SGCD: variants seen among roughly 807,000 people sequenced by gnomAD.
The protein encoded by SGCD is delta-sarcoglycan.
In SGCD, 18 loss-of-function variants were observed where a neutral mutation model predicts 36.6. The ratio of observed to expected loss-of-function variants is 0.49; its 90% confidence interval spans 0.34 to 0.73. The LOEUF is 0.73. SGCD is among the 30% of genes least tolerant of loss of function. The pLI is 0.01. For missense variants in SGCD, 387 were observed against 346.7 expected (o/e 1.12, Z -0.92); for synonymous variants, 133 against 130.6 (o/e 1.02, Z -0.12).
At chr5:156,086,843 G>A (rs1761108426) in intron 1 of SGCD, among the ~76,000 whole-genome samples, 1 of 152,160 alleles carries the variant, frequency 6.6e-6, no homozygotes, top group Non-Finnish European at 1.5e-5. Context: ...TAGGGTATTT[G>A]GTTACAACTC....
At chr5:156,724,386 C>A (rs894807321) in intron 7 of SGCD, among the ~76,000 whole-genome samples, 1 of 152,110 alleles carries the variant, frequency 6.6e-6, no homozygotes, top group Admixed American at 6.5e-5. Context: ...AGGCAGATCA[C>A]GAGGTCAGGA....
intron 3 of SGCD, among the ~76,000 whole-genome samples, chr5:156,320,475 C>T (rs1216583581): frequency 2.0e-5 from 3 of 152,154 alleles, no homozygotes; most frequent in Non-Finnish European, 2.9e-5. Context: ...CCAGAAAGAA[C>T]GTTAAAAGAA....
intron 7 of SGCD, among the ~76,000 whole-genome samples, chr5:156,711,455 C>T (rs1255536807): frequency 1.3e-5 from 2 of 152,166 alleles, no homozygotes; most frequent in Non-Finnish European, 2.9e-5. Context: ...TAAAAACTAA[C>T]TTTTTGATGC....
At chr5:155,866,171 T>C (rs1181842674), upstream of SGCD, among the ~76,000 whole-genome samples, 3 of 152,156 alleles carry the variant, frequency 2.0e-5, no homozygotes, top group Non-Finnish European at 2.9e-5. Flanking sequence ...TTAATATGAT[T>C]AATCATTTTT....
chr5:156,677,451 ACAC>A (rs1376992410), intron 7 of SGCD, among the ~76,000 whole-genome samples: 1 of 152,056 alleles, frequency 6.6e-6, no homozygotes, highest in Non-Finnish European at 1.5e-5. Context: ...AGAAAACCAA[ACAC>A]CACATGTTCT....
intron 1 of SGCD, among the ~76,000 whole-genome samples, chr5:155,932,634 G>A (rs1325663043): frequency 2.0e-5 from 3 of 152,084 alleles, no homozygotes; most frequent in African/African-American, 4.8e-5. Context: ...ACTGAAACTG[G>A]ACCCTTCATT....
chr5:155,921,675 C>G (rs896380412), intron 1 of SGCD, among the ~76,000 whole-genome samples: 1 of 152,104 alleles, frequency 6.6e-6, no homozygotes, highest in African/African-American at 2.4e-5. Context: ...AGAAAGAAAC[C>G]TGAACTCAGG....
intron 3 of SGCD, among the ~76,000 whole-genome samples, chr5:156,296,932 G>A (rs1196186147): frequency 6.6e-6 from 1 of 151,466 alleles, no homozygotes; most frequent in African/African-American, 2.4e-5. Flanking sequence ...ACATTTATAT[G>A]CACATATATA....
intron 6 of SGCD, among the ~76,000 whole-genome samples, chr5:156,626,395 C>G (rs1346012337): frequency 6.6e-6 from 1 of 152,166 alleles, no homozygotes. Context: ...TAAGTATGGC[C>G]CAGCTATCTC....
chr5:156,129,662 A>C (rs1821246), intron 3 of SGCD, among the ~76,000 whole-genome samples: 2,302 of 152,096 alleles, frequency 0.015, 55 homozygotes, highest in African/African-American at 0.051. Context: ...TCAAGTACAC[A>C]CCAGTGTCTG....
At chr5:156,103,969 A>G (rs78671128) in intron 1 of SGCD, among the ~76,000 whole-genome samples, 2,382 of 152,290 alleles carry the variant, frequency 0.016, 26 homozygotes, top group Non-Finnish European at 0.026. Flanking sequence ...GCAGAAGTAT[A>G]TGCTTAATAT....
chr5:156,356,722 AT>A (rs1769510184), intron 3 of SGCD, among the ~76,000 whole-genome samples: 1 of 152,158 alleles, frequency 6.6e-6, no homozygotes. Flanking sequence ...GTGTTACCTT[AT>A]TTGGAAAAAG....
intron 3 of SGCD, among the ~76,000 whole-genome samples, chr5:156,449,570 G>A (rs957585035): frequency 6.7e-6 from 1 of 150,174 alleles, no homozygotes; most frequent in Non-Finnish European, 1.5e-5. Context: ...GGTAGCTCAC[G>A]CCTGTAATCC....
At chr5:156,398,961 A>C (rs1302180879) in intron 3 of SGCD, among the ~76,000 whole-genome samples, 1 of 152,202 alleles carries the variant, frequency 6.6e-6, no homozygotes, top group Non-Finnish European at 1.5e-5. Flanking sequence ...ACATGCATGC[A>C]ACTAAGTGGC....
At chr5:156,423,386 A>T (rs62382667) in intron 3 of SGCD, among the ~76,000 whole-genome samples, 8,525 of 103,068 alleles carry the variant, frequency 0.083, 1,486 homozygotes, top group Middle Eastern at 0.16. Context: ...TTATAATATA[A>T]TATATTATAT....
chr5:156,128,225 G>A (rs1456293440), intron 3 of SGCD, among the ~76,000 whole-genome samples: 7 of 152,068 alleles, frequency 4.6e-5, no homozygotes, highest in Non-Finnish European at 1.0e-4. Flanking sequence ...AAAATAAAAC[G>A]AATGAGAGCA....
At chr5:156,031,797 C>T (rs1759352838) in intron 1 of SGCD, among the ~76,000 whole-genome samples, 1 of 152,106 alleles carries the variant, frequency 6.6e-6, no homozygotes, top group Non-Finnish European at 1.5e-5. Flanking sequence ...TCAGCCAGGC[C>T]ACACAGTAAC....
At chr5:155,813,619 G>A in the SGCD span, among the ~76,000 whole-genome samples, 1 of 152,142 alleles carries the variant, frequency 6.6e-6, no homozygotes, top group East Asian at 1.9e-4. Flanking sequence ...CATCCTGCTT[G>A]GGATTCTTCT....
chr5:155,876,689 T>C (rs2113286128), intron 1 of SGCD, among the ~76,000 whole-genome samples: 1 of 152,238 alleles, frequency 6.6e-6, no homozygotes, highest in African/African-American at 2.4e-5. Context: ...CTCTCTATCA[T>C]AGTGTTTGTC....
Sources: allele counts gnomAD v4.1 joint callset (sites outside exome capture counted in the v4.1 genomes callset), GRCh38; gene constraint gnomAD v4.1.1; transcripts MANE v1.5; gene names NCBI Gene and HGNC (gene_info 2026-07-23, HGNC 2026-07-21).